PTPRD: variants seen among roughly 807,000 people sequenced by gnomAD.
PTPRD encodes protein tyrosine phosphatase receptor type D.
A neutral mutation model predicts 214.5 loss-of-function variants in PTPRD; 34 were observed. That is an observed-to-expected ratio of 0.16 (90% CI 0.12 to 0.21). The LOEUF is 0.21. PTPRD is among the 10% of genes least tolerant of loss of function. PTPRD has a pLI of 1.00. For missense variants in PTPRD, 2,545 were observed against 2,398.7 expected (o/e 1.06, Z -1.27); for synonymous variants, 1,128 against 845.7 (o/e 1.33, Z -5.79).
At chr9:9,404,047 T>C (rs1036895391) in intron 8 of PTPRD, among the ~76,000 whole-genome samples, 3 of 151,864 alleles carry the variant, frequency 2.0e-5, no homozygotes, top group African/African-American at 7.3e-5. Flanking sequence ...TGTACACTTA[T>C]ATTCAAGCAA....
chr9:10,516,109 G>A (rs1168712870), intron 2 of PTPRD, among the ~76,000 whole-genome samples: 1 of 151,814 alleles, frequency 6.6e-6, no homozygotes. Context: ...GGATTGATGG[G>A]TCATATGGTA....
intron 8 of PTPRD, among the ~76,000 whole-genome samples, chr9:9,498,972 G>T (rs1029638923): frequency 6.6e-6 from 1 of 151,222 alleles, no homozygotes; most frequent in Non-Finnish European, 1.5e-5. Context: ...TCTCTCACTT[G>T]CTCTTGCTGT....
At chr9:9,873,274 C>A (rs1028024206) in intron 5 of PTPRD, among the ~76,000 whole-genome samples, 4 of 152,126 alleles carry the variant, frequency 2.6e-5, no homozygotes, top group African/African-American at 9.7e-5. Context: ...TTTGAGCTCT[C>A]TGCTTTCAGT....
intron 11 of PTPRD, among the ~76,000 whole-genome samples, chr9:8,741,716 G>C (rs1027621464): frequency 1.3e-5 from 2 of 150,784 alleles, no homozygotes; most frequent in East Asian, 2.0e-4. Context: ...TCAGCCTCCT[G>C]AGTAGCTGGG....
At chr9:9,088,323 C>G (rs563810035) in intron 10 of PTPRD, among the ~76,000 whole-genome samples, 7 of 151,630 alleles carry the variant, frequency 4.6e-5, no homozygotes, top group Non-Finnish European at 8.8e-5. Context: ...TGCGGTGGCT[C>G]ACGCCTGTGG....
Position 8,918,552 on chromosome 9 carries a change from A to G in PTPRD, c.-104+100145T>C, listed in dbSNP as rs145816921. The stretch of plus-strand genomic sequence containing the variant: ...GATACTGAGCAGCACTACGAGAGAG[A>G]GAGTGTGTGTGTATGTGCGTGTGTG... On this transcript the variant is annotated intron_variant, in intron 11 of 45. Transcript: ENST00000381196. 7.2e-4 allele frequency among the ~76,000 whole-genome samples: 110 copies of G among 152,172 alleles called. 1 individual carries two copies. Among genetic ancestry groups the G allele is most frequent in the African/African-American group, 2.4e-3 (99 of 41,550 alleles).
chr9:8,605,659 A>C (rs575617110), intron 14 of PTPRD, among the ~76,000 whole-genome samples: 1 of 152,336 alleles, frequency 6.6e-6, no homozygotes, highest in South Asian at 2.1e-4. Flanking sequence ...GGATGAAAGG[A>C]GAATGTACCT....
intron 8 of PTPRD, among the ~76,000 whole-genome samples, chr9:9,512,680 T>TA (rs1249259470): frequency 2.0e-5 from 3 of 151,782 alleles, no homozygotes; most frequent in African/African-American, 7.2e-5. Flanking sequence ...TATTAGGAGA[T>TA]ACATGAGTTT....
chr9:9,496,118 A>G lies in PTPRD; in HGVS notation c.-237+78614T>C, dbSNP rs114843955. On this transcript the variant is annotated intron_variant, in intron 8 of 45. Coordinates refer to ENST00000381196, the MANE Select transcript of PTPRD (RefSeq NM_002839.4). ...GAGTCTGGCAAAGGGGCCGAGAAAA[A>G]TCCTGTCTCAATGTGTCACAACTTT... Among the ~76,000 whole-genome samples the G allele has an allele frequency of 7.3e-3, 1,106 of 152,226 alleles. 17 individuals are homozygous for G. The highest frequency in any genetic ancestry group is 0.025 in the African/African-American group (1,028 of 41,536).
rs182520524 is a variant in PTPRD, at chr9:9,559,494, A to C, written c.-237+15238T>G. Among the ~76,000 whole-genome samples, 77 of 152,356 alleles carry C rather than the reference A, an allele frequency of 5.1e-4. 1 individual carries two copies. Among genetic ancestry groups the C allele is most frequent in the Admixed American group, 4.8e-3 (74 of 15,306 alleles). ...TCAGTTTTAATAGGCACCCCTGGTT[A>C]ACTACATGTAGGGCTTGTGCCTACT... On this transcript the variant is annotated intron_variant, in intron 8 of 45. Transcript: ENST00000381196.
intron 11 of PTPRD, among the ~76,000 whole-genome samples, chr9:8,954,221 T>C (rs1032611962): frequency 6.6e-6 from 1 of 151,964 alleles, no homozygotes; most frequent in African/African-American, 2.4e-5. Context: ...AAGGCCATTA[T>C]CCTAAGTGAA....
At chr9:9,443,981 A>G (rs1258739942) in intron 8 of PTPRD, among the ~76,000 whole-genome samples, 1 of 152,146 alleles carries the variant, frequency 6.6e-6, no homozygotes, top group Non-Finnish European at 1.5e-5. Flanking sequence ...AATTTTTCTA[A>G]CTACAGTGGC....
intron 12 of PTPRD, chr9:8,713,781 G>A: frequency 6.5e-7 from 1 of 1,538,832 alleles, no homozygotes; most frequent in South Asian, 1.2e-5. Context: ...TGCCCCACCG[G>A]GTCCTGCGCC....
intron 10 of PTPRD, among the ~76,000 whole-genome samples, chr9:9,081,157 C>A (rs2099758457): frequency 6.6e-6 from 1 of 152,150 alleles, no homozygotes; most frequent in Admixed American, 6.6e-5. Context: ...CCTCTAAACA[C>A]TGCTTTAGCT....
chr9:10,140,346 C>T (rs146156416), intron 3 of PTPRD, among the ~76,000 whole-genome samples: 85 of 151,348 alleles, frequency 5.6e-4, no homozygotes, highest in South Asian at 1.3e-3. Context: ...ATTGATAGAC[C>T]GCTAGCAAGA....
chr9:9,472,907 G>A (rs1768820712), intron 8 of PTPRD, among the ~76,000 whole-genome samples: 3 of 152,024 alleles, frequency 2.0e-5, no homozygotes. Flanking sequence ...ATGTATACAA[G>A]GTGTAATAAT....
intron 3 of PTPRD, among the ~76,000 whole-genome samples, chr9:10,139,111 C>A (rs1335449986): frequency 6.6e-6 from 1 of 152,110 alleles, no homozygotes; most frequent in East Asian, 1.9e-4. Context: ...TATCTTTCTT[C>A]GCTAATGATA....
intron 4 of PTPRD, among the ~76,000 whole-genome samples, chr9:9,961,663 G>A (rs1209974507): frequency 6.6e-6 from 1 of 152,150 alleles, no homozygotes; most frequent in Non-Finnish European, 1.5e-5. Context: ...GTGGGAAGCA[G>A]GATGCTGGCA....
intron 10 of PTPRD, among the ~76,000 whole-genome samples, chr9:9,102,247 G>T (rs2099792408): frequency 6.6e-6 from 1 of 152,144 alleles, no homozygotes; most frequent in South Asian, 2.1e-4. Context: ...TACAATAAGA[G>T]TATTTTCTGT....
Sources: gnomAD v4.1 joint callset for allele counts (sites outside exome capture counted in the v4.1 genomes callset) on GRCh38, gnomAD v4.1.1 for gene constraint, MANE v1.5 for transcripts, NCBI Gene and HGNC (gene_info 2026-07-23, HGNC 2026-07-21) for gene names.